RNF152: variants seen among roughly 807,000 people sequenced by gnomAD.
RNF152 encodes ring finger protein 152.
RNF152 carries 11 observed loss-of-function variants against 12.7 expected under a neutral mutation model. The ratio of observed to expected loss-of-function variants is 0.86; its 90% CI spans 0.54 to 1.43. The LOEUF (loss-of-function observed/expected upper bound fraction) is 1.43, where lower values mean the gene tolerates loss of function less well. Among genes scored for constraint, RNF152 ranks in the 40% most tolerant of loss-of-function variants. The pLI is 0.00. For missense variants in RNF152, 255 were observed against 274.8 expected (o/e 0.93, Z 0.51); for synonymous variants, 113 against 120.3 (o/e 0.94, Z 0.40).
intron 1 of RNF152, among the ~76,000 whole-genome samples, chr18:61,824,320 C>A (rs1294600974): frequency 6.6e-6 from 1 of 152,218 alleles, no homozygotes; most frequent in Admixed American, 6.5e-5. Context: ...TAGATGGTCC[C>A]CTAAAGCACC....
rs1378863850 is a variant in RNF152, at chr18:61,814,503, G to A, written c.*1349C>T. On this transcript the variant is annotated 3_prime_UTR_variant, in exon 2 of 2. Coordinates refer to ENST00000312828, the MANE Select transcript of RNF152 (RefSeq NM_173557.3). Reference sequence around the variant, plus strand: ...AGGAATTTATCACGTACTTGTAGCAGATCTTTCTTCATGAGCATCTATAGA... The same window carrying A: ...AGGAATTTATCACGTACTTGTAGCAAATCTTTCTTCATGAGCATCTATAGA... 1 of 152,218 alleles carries A rather than the reference G, an allele frequency of 6.6e-6. No homozygotes were observed. Among genetic ancestry groups the A allele is most frequent in the Non-Finnish European group, 1.5e-5 (1 of 68,050 alleles). 9.4% of individuals were successfully genotyped at this position (152,218 alleles called of 1,614,324 possible). A position where few individuals can be genotyped will look rare whatever the true frequency, so the allele number is the denominator to read the frequency against.
intron 1 of RNF152, among the ~76,000 whole-genome samples, chr18:61,860,408 A>C (rs1468964395): frequency 6.6e-6 from 1 of 152,226 alleles, no homozygotes; most frequent in Non-Finnish European, 1.5e-5. Context: ...GATCACATAG[A>C]AGATGCTGGT....
At chr18:61,846,878 TCCACTAGTCTGGATTTGAGTC>T (rs1910762787) in intron 1 of RNF152, among the ~76,000 whole-genome samples, 1 of 152,136 alleles carries the variant, frequency 6.6e-6, no homozygotes, top group African/African-American at 2.4e-5. Context: ...AGCTTGGAAA[TCCACTAGTCTGGATTTGAGTC>T]CCAACTCTTG....
At chr18:61,837,788 C>T (rs1377433544) in intron 1 of RNF152, among the ~76,000 whole-genome samples, 1 of 152,190 alleles carries the variant, frequency 6.6e-6, no homozygotes, top group Non-Finnish European at 1.5e-5. Context: ...TAACTTAGTG[C>T]TGTTCTTGAT....
intron 1 of RNF152, among the ~76,000 whole-genome samples, chr18:61,876,289 T>A (rs905677212): frequency 2.0e-5 from 3 of 152,246 alleles, no homozygotes; most frequent in African/African-American, 7.2e-5. Context: ...TTTGTACGCA[T>A]GTTCTTACTC....
In RNF152 at chr18:61,820,257, G is replaced by C. The variant is rs187780278; in HGVS notation, c.-135-3659C>G. 3.9e-4 allele frequency among the ~76,000 whole-genome samples: 58 copies of C among 147,804 alleles called. 1 individual carries two copies. Among genetic ancestry groups the C allele is most frequent in the African/African-American group, 1.4e-3 (56 of 40,034 alleles). ...GGCAGGAGAATGGTGTGAACCCAGG[G>C]GGCGGAGCTTGCAATGAGCAGAGAT... On this transcript the variant is annotated intron_variant, in intron 1 of 1. Transcript: ENST00000312828.
rs1322403474 is a variant in RNF152, at chr18:61,808,077, T to C, written c.*7775A>G. On this transcript the variant is annotated 3_prime_UTR_variant, in exon 2 of 2. Coordinates refer to ENST00000312828, the MANE Select transcript of RNF152 (RefSeq NM_173557.3). The stretch of plus-strand genomic sequence containing the variant: ...CAATACGTGAGTCTATTTGAAATCA[T>C]TTTATGAACTTTAATCATAGCAAAT... The C allele has an allele frequency of 2.0e-5, 3 of 152,130 alleles. No individual in the cohort carries two copies. The highest frequency in any genetic ancestry group is 7.2e-5 in the African/African-American group (3 of 41,428). The allele number at this position is 152,130 out of a possible 1,614,324, so 9.4% of individuals were successfully genotyped here.
chr18:61,888,271 A>G (rs533907771), intron 1 of RNF152: 4 of 152,344 alleles, frequency 2.6e-5, no homozygotes, highest in African/African-American at 9.6e-5. Context: ...CAGATACACT[A>G]TTTGAGGTCT....
At chr18:61,830,170 C>G (rs56019954) in intron 1 of RNF152, among the ~76,000 whole-genome samples, 40,541 of 151,566 alleles carry the variant, frequency 0.27, 6,127 homozygotes, top group Non-Finnish European at 0.35. Context: ...TACAGGCACA[C>G]ACCACTGTAG....
rs1909085502 is a variant in RNF152 at position 61,816,307 on chromosome 18, AG to A, written c.156del (p.Trp53GlyfsTer81). On this transcript the variant is annotated frameshift_variant, in exon 2 of 2. Transcript: ENST00000312828. LOFTEE classifies it high-confidence loss of function. ...GGCAGCTTGGTGACACCGCGGCACC[AG>A]GGGCACCGCACATCCTTCTGGCTGG... ...MRTSQKDVRC[P>X]WCRGVTKLPP... The A allele has an allele frequency of 1.2e-6, 2 of 1,614,172 alleles. No individual in the cohort carries two copies. Among genetic ancestry groups the A allele is most frequent in the Non-Finnish European group, 1.7e-6 (2 of 1,180,010 alleles).
At chr18:61,839,124 G>C (rs1171283863) in intron 1 of RNF152, among the ~76,000 whole-genome samples, 2 of 151,676 alleles carry the variant, frequency 1.3e-5, no homozygotes, top group African/African-American at 2.4e-5. Flanking sequence ...GCAGGCCTGA[G>C]GTCCCGTTAT....
At chr18:61,850,165 A>G (rs1464197667) in intron 1 of RNF152, among the ~76,000 whole-genome samples, 1 of 152,224 alleles carries the variant, frequency 6.6e-6, no homozygotes, top group Non-Finnish European at 1.5e-5. Flanking sequence ...TTCCACTGAC[A>G]AGCTGCTTGA....
chr18:61,843,303 C>T (rs938324450), intron 1 of RNF152, among the ~76,000 whole-genome samples: 4 of 152,144 alleles, frequency 2.6e-5, no homozygotes, highest in Non-Finnish European at 5.9e-5. Flanking sequence ...TCAACTTAGG[C>T]CTCACTAAAT....
intron 1 of RNF152, among the ~76,000 whole-genome samples, chr18:61,866,593 G>A (rs772571356): frequency 5.3e-5 from 8 of 152,142 alleles, no homozygotes; most frequent in Non-Finnish European, 1.2e-4. Flanking sequence ...TCCAACCTAT[G>A]CCCTCCATCT....
rs528413837 is a variant in RNF152, at chr18:61,865,880, G to T, written c.-136+26915C>A. Reference sequence around the variant, plus strand: ...TATTTTCTTTTAGTTTGCAAGGAAGGCTAGTCAGCTGAGTGTCAATTACAT... The same window carrying T: ...TATTTTCTTTTAGTTTGCAAGGAAGTCTAGTCAGCTGAGTGTCAATTACAT... On this transcript the variant is annotated intron_variant, in intron 1 of 1. Coordinates refer to ENST00000312828, the MANE Select transcript of RNF152 (RefSeq NM_173557.3). 4.6e-5 allele frequency among the ~76,000 whole-genome samples: 7 copies of T among 152,248 alleles called. No individual in the cohort carries two copies. In the South Asian group the frequency reaches 1.5e-3, roughly 32 times the overall value.
Position 61,814,847 on chromosome 18 carries a change from AC to A in RNF152, c.*1004del, listed in dbSNP as rs1483985764. On this transcript the variant is annotated 3_prime_UTR_variant, in exon 2 of 2. Coordinates refer to ENST00000312828, the MANE Select transcript of RNF152 (RefSeq NM_173557.3). ...TTCTGTTACTCTCCATTTGCCTCTT[AC>A]AAAATGCAGGACTTAAATACACAGA... The A allele has an allele frequency of 1.3e-5, 2 of 152,242 alleles. No individual in the cohort carries two copies. The highest frequency in any genetic ancestry group is 2.9e-5 in the Non-Finnish European group (2 of 68,046). 9.4% of individuals were successfully genotyped at this position (152,242 alleles called of 1,614,324 possible).
intron 1 of RNF152, among the ~76,000 whole-genome samples, chr18:61,820,268 G>A (rs1243200299): frequency 1.6e-5 from 2 of 128,378 alleles, no homozygotes; most frequent in Non-Finnish European, 3.1e-5. Context: ...GGCGGAGCTT[G>A]CAATGAGCAG....
rs1183346773 is a variant in RNF152 at position 61,815,039 on chromosome 18, C to A, written c.*813G>T. On this transcript the variant is annotated 3_prime_UTR_variant, in exon 2 of 2. Coordinates refer to ENST00000312828, the MANE Select transcript of RNF152 (RefSeq NM_173557.3). ...CACCTGAGGTAAATCAAATTAGACA[C>A]ACACACATACACACACAAATACACA... 6.6e-6 allele frequency: 1 copy of A among 152,596 alleles called. No individual in the cohort carries two copies. Among genetic ancestry groups the A allele is most frequent in the Non-Finnish European group, 1.5e-5 (1 of 68,032 alleles). 9.5% of individuals were successfully genotyped at this position (152,596 alleles called of 1,614,324 possible). A position where few individuals can be genotyped will look rare whatever the true frequency, so the allele number is the denominator to read the frequency against.
intron 1 of RNF152, among the ~76,000 whole-genome samples, chr18:61,861,233 T>A (rs954148209): frequency 1.3e-5 from 2 of 152,222 alleles, no homozygotes; most frequent in African/African-American, 4.8e-5. Context: ...CAGAGCAACT[T>A]CCAGTCCTGC....
Sources: gnomAD v4.1 joint callset for allele counts (sites outside exome capture counted in the v4.1 genomes callset) on GRCh38, gnomAD v4.1.1 for gene constraint, MANE v1.5 for transcripts, NCBI Gene and HGNC (gene_info 2026-07-23, HGNC 2026-07-21) for gene names.